The following DSCAM variants were observed in gnomAD, a reference collection of about 807,000 sequenced individuals.
The protein encoded by DSCAM is DS cell adhesion molecule.
Under a neutral mutation model 217.7 loss-of-function variants are expected in DSCAM, and 47 were observed. The ratio of observed to expected loss-of-function variants is 0.22; its 90% CI spans 0.17 to 0.28. The LOEUF (loss-of-function observed/expected upper bound fraction) is 0.28. Among genes scored for constraint, DSCAM ranks in the 10% least tolerant of loss-of-function variants. The pLI, the probability that DSCAM is intolerant of heterozygous loss-of-function variation, is 1.00. For missense variants in DSCAM, 2,080 were observed against 2,618.3 expected (o/e 0.79, Z 4.49); for synonymous variants, 1,056 against 1,015.3 (o/e 1.04, Z -0.76).
intron 3 of DSCAM, among the ~76,000 whole-genome samples, chr21:40,686,698 G>C (rs575582363): frequency 2.0e-5 from 3 of 152,244 alleles, no homozygotes; most frequent in African/African-American, 7.2e-5. Context: ...CTGAGGCCCT[G>C]CAGACTAGCT....
chr21:40,281,816 C>G (rs1303230850), intron 10 of DSCAM, among the ~76,000 whole-genome samples: 1 of 152,176 alleles, frequency 6.6e-6, no homozygotes, highest in African/African-American at 2.4e-5. Context: ...CCATTTATCC[C>G]TTACCCATTT....
intron 3 of DSCAM, among the ~76,000 whole-genome samples, chr21:40,660,450 G>T (rs1338277707): frequency 2.0e-5 from 3 of 152,134 alleles, no homozygotes; most frequent in Non-Finnish European, 4.4e-5. Flanking sequence ...TCCCTTATCT[G>T]CAATCCCACA....
intron 3 of DSCAM, among the ~76,000 whole-genome samples, chr21:40,659,035 G>A (rs1478289154): frequency 1.3e-5 from 2 of 152,118 alleles, no homozygotes; most frequent in East Asian, 3.9e-4. Flanking sequence ...CTTTGGAAGA[G>A]GGGAGGCATC....
chr21:40,390,511 T>C (rs2075124346), intron 3 of DSCAM, among the ~76,000 whole-genome samples: 1 of 152,212 alleles, frequency 6.6e-6, no homozygotes, highest in Admixed American at 6.5e-5. Context: ...TTCCCAGGGC[T>C]GCTGCAACAA....
At chr21:40,746,107 C>A (rs1165366650) in intron 1 of DSCAM, among the ~76,000 whole-genome samples, 6 of 151,030 alleles carry the variant, frequency 4.0e-5, no homozygotes, top group Non-Finnish European at 3.0e-5. Flanking sequence ...AAAAAAAAAT[C>A]TCTCAAGGAA....
At chr21:40,620,818 C>T (rs886085242) in intron 3 of DSCAM, among the ~76,000 whole-genome samples, 1 of 152,234 alleles carries the variant, frequency 6.6e-6, no homozygotes, top group Non-Finnish European at 1.5e-5. Context: ...TGGTTGTATT[C>T]ATGATGTCCC....
chr21:40,468,077 G>A (rs201017207), intron 3 of DSCAM, among the ~76,000 whole-genome samples: 2 of 152,136 alleles, frequency 1.3e-5, no homozygotes, highest in Non-Finnish European at 2.9e-5. Context: ...TCACAGGTGC[G>A]GGACGAAGGA....
chr21:40,552,903 G>A (rs540100551), intron 3 of DSCAM, among the ~76,000 whole-genome samples: 2 of 152,126 alleles, frequency 1.3e-5, no homozygotes, highest in Non-Finnish European at 2.9e-5. Flanking sequence ...AAGGACTGAA[G>A]TATTACAGCA....
At chr21:40,355,635 T>C (rs1048196974) in intron 4 of DSCAM, among the ~76,000 whole-genome samples, 1 of 152,204 alleles carries the variant, frequency 6.6e-6, no homozygotes, top group Non-Finnish European at 1.5e-5. Context: ...AACAATACCC[T>C]TGCATTCCAC....
At chr21:40,566,669 T>C (rs1410767938) in intron 3 of DSCAM, among the ~76,000 whole-genome samples, 1 of 152,166 alleles carries the variant, frequency 6.6e-6, no homozygotes, top group Non-Finnish European at 1.5e-5. Flanking sequence ...ATAATTTCAT[T>C]GGCTGGAACA....
At chr21:40,791,490 T>C (rs1005691178) in intron 1 of DSCAM, among the ~76,000 whole-genome samples, 2 of 151,172 alleles carry the variant, frequency 1.3e-5, no homozygotes, top group Admixed American at 1.3e-4. Flanking sequence ...CCGTCTGTAC[T>C]AAAAATACAA....
At chr21:40,489,483 T>C (rs2076056836) in intron 3 of DSCAM, among the ~76,000 whole-genome samples, 1 of 152,042 alleles carries the variant, frequency 6.6e-6, no homozygotes, top group Non-Finnish European at 1.5e-5. Flanking sequence ...ATCTTCTATA[T>C]ATAAATAAGG....
chr21:40,485,242 T>C (rs931514126), intron 3 of DSCAM, among the ~76,000 whole-genome samples: 197 of 144,900 alleles, frequency 1.4e-3, no homozygotes, highest in African/African-American at 2.2e-3. Flanking sequence ...TCTTTCTTTT[T>C]TTTTTTTTTT....
At chr21:40,254,893 C>G (rs541937063) in intron 11 of DSCAM, among the ~76,000 whole-genome samples, 1 of 152,086 alleles carries the variant, frequency 6.6e-6, no homozygotes, top group Admixed American at 6.6e-5. Flanking sequence ...CACGTGCCAT[C>G]TAGTAAGTGC....
chr21:40,429,530 C>T (rs1024507385), intron 3 of DSCAM, among the ~76,000 whole-genome samples: 5 of 152,106 alleles, frequency 3.3e-5, no homozygotes, highest in Admixed American at 2.0e-4. Context: ...AGCCTCCCAA[C>T]GTGCTGGGAT....
intron 18 of DSCAM, among the ~76,000 whole-genome samples, chr21:40,142,065 C>A (rs547555167): frequency 6.7e-6 from 1 of 148,940 alleles, no homozygotes; most frequent in East Asian, 1.9e-4. Context: ...AAACAGGAGA[C>A]AAAACGGGAG....
chr21:40,437,260 G>A (rs1439480629), intron 3 of DSCAM, among the ~76,000 whole-genome samples: 2 of 152,100 alleles, frequency 1.3e-5, no homozygotes, highest in East Asian at 3.9e-4. Context: ...TCAAGCAAGG[G>A]GAGACTTGCT....
intron 11 of DSCAM, among the ~76,000 whole-genome samples, chr21:40,205,931 A>G (rs9984698): frequency 0.51 from 77,243 of 151,892 alleles, 20,052 homozygotes; most frequent in African/African-American, 0.63. Flanking sequence ...TTATGCAATA[A>G]GTATTGGAGG....
intron 3 of DSCAM, among the ~76,000 whole-genome samples, chr21:40,488,418 G>T (rs924571431): frequency 6.6e-6 from 1 of 152,212 alleles, no homozygotes; most frequent in Non-Finnish European, 1.5e-5. Flanking sequence ...CATGTCTGAG[G>T]TTGTCTTTCT....
Sources: gnomAD v4.1 joint callset for allele counts (sites outside exome capture counted in the v4.1 genomes callset) on GRCh38, gnomAD v4.1.1 for gene constraint, MANE v1.5 for transcripts, NCBI Gene and HGNC (gene_info 2026-07-23, HGNC 2026-07-21) for gene names.